SLC22A25: variants seen among roughly 807,000 people sequenced by gnomAD.
SLC22A25 encodes MGI:2442751, MGI:2385316, MGI:3042283, MGI:3645714, MGI:3605624, MGI:2442750.
SLC22A25 carries 44 observed loss-of-function variants against 45.9 expected under a neutral mutation model. That is an observed-to-expected ratio of 0.96 (90% confidence interval 0.75 to 1.23). The LOEUF is 1.23. Ranked by LOEUF, SLC22A25 falls within the 50% of genes most tolerant of loss-of-function variation. SLC22A25 has a pLI of 0.00. For missense variants in SLC22A25, 800 were observed against 666.4 expected, an observed-to-expected ratio of 1.20 and a Z score of -2.21; for synonymous variants, 283 against 238.6, an observed-to-expected ratio of 1.19 and a Z score of -1.72.
At chr11:63,213,945 A>G (rs1366094544) in intron 7 of SLC22A25, among the ~76,000 whole-genome samples, 1 of 152,218 alleles carries the variant, frequency 6.6e-6, no homozygotes, top group Non-Finnish European at 1.5e-5. Context: ...TTCCACTCAG[A>G]AGGCTGAATT....
intron 5 of SLC22A25, chr11:63,218,130 A>C (rs114995356): frequency 2.2e-6 from 1 of 459,624 alleles, no homozygotes; most frequent in East Asian, 6.8e-5. Context: ...AATAACCTCA[A>C]TGCCCACCAA....
In SLC22A25 at chr11:63,163,778, G is replaced by A. The variant is rs1273902792; in HGVS notation, c.*46C>T. On this transcript the variant is annotated 3_prime_UTR_variant, in exon 12 of 12. Transcript: ENST00000306494. ...GAATAGCCCAGATCTAAGCCTTTTT[G>A]GGGGATGGTAGCCCTAAATGGTGTT... 1.3e-6 allele frequency: 2 copies of A among 1,561,120 alleles called. No homozygotes were observed. The highest frequency in any genetic ancestry group is 1.7e-6 in the Non-Finnish European group (2 of 1,156,872).
chr11:63,212,021 A>C (rs2089579723), intron 7 of SLC22A25, among the ~76,000 whole-genome samples: 3 of 152,246 alleles, frequency 2.0e-5, no homozygotes, highest in African/African-American at 7.2e-5. Flanking sequence ...ATGAATAGAC[A>C]CTTCTCAAAA....
At chr11:63,230,646 A>T (rs967581460) in intron 3 of SLC22A25, among the ~76,000 whole-genome samples, 25 of 151,776 alleles carry the variant, frequency 1.6e-4, no homozygotes, top group African/African-American at 5.1e-4. Flanking sequence ...TTTAAAAAAA[A>T]TTTATTTATT....
intron 9 of SLC22A25, among the ~76,000 whole-genome samples, chr11:63,175,779 C>A (rs1380702533): frequency 6.6e-6 from 1 of 151,362 alleles, no homozygotes; most frequent in African/African-American, 2.4e-5. Context: ...TTTGTGTGTG[C>A]TATAAGGAAA....
chr11:63,203,880 C>T (rs2089320945), intron 7 of SLC22A25, among the ~76,000 whole-genome samples: 1 of 151,680 alleles, frequency 6.6e-6, no homozygotes, highest in South Asian at 2.1e-4. Context: ...GTTGAAATGA[C>T]AGAAAAAATG....
At chr11:63,223,020 C>T (rs1260576684) in intron 5 of SLC22A25, among the ~76,000 whole-genome samples, 13 of 151,882 alleles carry the variant, frequency 8.6e-5, no homozygotes, top group Admixed American at 8.5e-4. Flanking sequence ...TTGCTGAATT[C>T]AATTTGCTAG....
At chr11:63,176,783 G>A (rs1313434533) in intron 9 of SLC22A25, among the ~76,000 whole-genome samples, 3 of 152,032 alleles carry the variant, frequency 2.0e-5, no homozygotes, top group African/African-American at 4.8e-5. Context: ...TAAAGGAAGA[G>A]CTTTCAGTTT....
chr11:63,183,586 A>G, intron 8 of SLC22A25, 108 bp downstream of exon 8: 2 of 1,437,832 alleles, frequency 1.4e-6, no homozygotes, highest in Non-Finnish European at 1.9e-6. Context: ...GAGATGACCC[A>G]TAACTCTACC....
At chr11:63,214,127 G>A (rs1389308365) in intron 7 of SLC22A25, among the ~76,000 whole-genome samples, 1 of 152,152 alleles carries the variant, frequency 6.6e-6, no homozygotes, top group Non-Finnish European at 1.5e-5. Flanking sequence ...TTGGAGGATG[G>A]TTCTTAGCTT....
chr11:63,239,281 A>T (rs550878037), intron 1 of SLC22A25, among the ~76,000 whole-genome samples, 146 bp from the exon 2 acceptor site: 7 of 152,354 alleles, frequency 4.6e-5, no homozygotes, highest in African/African-American at 1.7e-4. Flanking sequence ...AAGGTTACAC[A>T]TCTTATTATC....
At chr11:63,184,347 T>C (rs1254802389) in intron 7 of SLC22A25, among the ~76,000 whole-genome samples, 1 of 152,140 alleles carries the variant, frequency 6.6e-6, no homozygotes, top group Non-Finnish European at 1.5e-5. Context: ...GTATGATTGT[T>C]ACAGAGATAA....
Position 63,165,937 on chromosome 11 carries a change from GAACTCAATTCTCCCTTTCCT to G in SLC22A25, c.1285+87_1285+106del, listed in dbSNP as rs200508763. 6.1e-4 allele frequency: 826 copies of G among 1,351,316 alleles called. 7 individuals are homozygous for G. In the East Asian group the frequency reaches 0.018, roughly 29 times the overall value. The allele number at this position is 1,351,316 out of a possible 1,614,324, so 83.7% of individuals were successfully genotyped here. ...CCAGATTTCTATCAGGGAATCCTGA[GAACTCAATTCTCCCTTTCCT>G]TCTGGCTTCAGATAGGTGTGACCAG... On this transcript the variant is annotated intron_variant, in intron 10 of 11. Coordinates refer to ENST00000306494, the MANE Select transcript of SLC22A25 (RefSeq NM_199352.6).
intron 9 of SLC22A25, among the ~76,000 whole-genome samples, chr11:63,170,306 A>G (rs555194712): frequency 1.7e-4 from 25 of 151,396 alleles, no homozygotes; most frequent in African/African-American, 5.3e-4. Context: ...AAGACAAGAA[A>G]TAACTAAGAT....
At chr11:63,192,151 C>T (rs953997630) in intron 7 of SLC22A25, among the ~76,000 whole-genome samples, 1 of 152,082 alleles carries the variant, frequency 6.6e-6, no homozygotes, top group Middle Eastern at 3.2e-3. Flanking sequence ...GATGAAACCC[C>T]CTACAAGCCA....
At chr11:63,169,507 A>T (rs1590778420) in intron 9 of SLC22A25, among the ~76,000 whole-genome samples, 1 of 152,112 alleles carries the variant, frequency 6.6e-6, no homozygotes, top group Non-Finnish European at 1.5e-5. Flanking sequence ...AAAAGCAGGG[A>T]TTGCAATCCT....
chr11:63,195,116 G>A (rs1286935378), intron 7 of SLC22A25, among the ~76,000 whole-genome samples: 2 of 151,910 alleles, frequency 1.3e-5, no homozygotes, highest in African/African-American at 4.8e-5. Flanking sequence ...AGTCCTTAGA[G>A]ACCTACAAAG....
At chr11:63,196,531 A>G (rs2134767462) in intron 7 of SLC22A25, among the ~76,000 whole-genome samples, 1 of 152,356 alleles carries the variant, frequency 6.6e-6, no homozygotes, top group Middle Eastern at 3.4e-3. Flanking sequence ...TAGATGCAGA[A>G]AAGGCCTTTG....
rs2087598069 is a variant in SLC22A25 at position 63,164,131 on chromosome 11, G to A, written c.1395-58C>T. ...GTTAAAAATCATACATATAATTTGT[G>A]ATTTATCATTTTGCTGTGATTATGG... On this transcript the variant is annotated intron_variant, in intron 11 of 11. Transcript: ENST00000306494. 7.2e-6 allele frequency: 11 copies of A among 1,519,600 alleles called. No individual in the cohort carries two copies. The Admixed American group carries it at 2.2e-4, about 30-fold the overall frequency. The allele number at this position is 1,519,600 out of a possible 1,614,324, so 94.1% of individuals were successfully genotyped here.
Sources: allele counts gnomAD v4.1 joint callset (sites outside exome capture counted in the v4.1 genomes callset), GRCh38; gene constraint gnomAD v4.1.1; transcripts MANE v1.5; gene names NCBI Gene and HGNC (gene_info 2026-07-23, HGNC 2026-07-21).